MTMR3: variants seen among roughly 807,000 people sequenced by gnomAD.
MTMR3 encodes the protein phosphatidylinositol-3,5-bisphosphate 3-phosphatase MTMR3.
In MTMR3, 32 loss-of-function variants were observed where a neutral mutation model predicts 132.4. That is an observed-to-expected ratio of 0.24 (90% confidence interval 0.18 to 0.32). MTMR3 has a LOEUF of 0.32. MTMR3 is among the 10% of genes least tolerant of loss of function. MTMR3 has a pLI of 1.00. For missense variants in MTMR3, 1,216 were observed against 1,489.6 expected, an observed-to-expected ratio of 0.82 and a Z score of 3.02; for synonymous variants, 556 against 550.3, an observed-to-expected ratio of 1.01 and a Z score of -0.14.
rs539493029 is a variant in MTMR3 at position 29,918,247 on chromosome 22, A to G, written c.-138+34888A>G. Among the ~76,000 whole-genome samples the G allele has an allele frequency of 7.9e-4, 121 of 152,366 alleles. 1 individual carries two copies. Among genetic ancestry groups the G allele is most frequent in the South Asian group, 1.7e-3 (8 of 4,834 alleles). On this transcript the variant is annotated intron_variant, in intron 1 of 19. Transcript: ENST00000401950. ...TTTAGAACTTTCTTTAGAGGTGTAT[A>G]GTGCTTTCTTACACTAATATTCCAG...
At chr22:29,889,136 G>A (rs1351246745) in intron 1 of MTMR3, among the ~76,000 whole-genome samples, 3 of 151,890 alleles carry the variant, frequency 2.0e-5, no homozygotes, top group Non-Finnish European at 1.5e-5. Flanking sequence ...ATATTTAATT[G>A]TTTAGACTGA....
rs180979784 is a variant in MTMR3, at chr22:30,008,906, C to T, written c.1010-112C>T. On this transcript the variant is annotated intron_variant, in intron 11 of 19. Coordinates refer to ENST00000401950, the MANE Select transcript of MTMR3 (RefSeq NM_021090.4). ...TAAGCATTTCAAAACATTTCAGTTT[C>T]GTTAATCAGAAGCTGCAGTGGGTTT... The T allele has an allele frequency of 1.2e-3, 860 of 689,286 alleles. 9 individuals carry two copies. The African/African-American group carries it at 0.014, about 11-fold the overall frequency. The allele number at this position is 689,286 out of a possible 1,614,324, so 42.7% of individuals were successfully genotyped here. A position where few individuals can be genotyped will look rare whatever the true frequency, so the allele number is the denominator to read the frequency against.
intron 1 of MTMR3, among the ~76,000 whole-genome samples, chr22:29,911,625 A>G (rs73162731): frequency 0.16 from 24,247 of 151,124 alleles, 2,041 homozygotes; most frequent in South Asian, 0.24. Flanking sequence ...TTTGACCAGT[A>G]TATTTAATGT....
intron 17 of MTMR3, 36 bp from the exon 18 acceptor site, chr22:30,021,993 G>C (rs376559005): frequency 1.6e-5 from 24 of 1,534,862 alleles, no homozygotes; most frequent in Non-Finnish European, 2.0e-5. Context: ...GAGGAGACCA[G>C]GTTCATTCTG....
At chr22:29,904,075 C>G (rs955836588) in intron 1 of MTMR3, among the ~76,000 whole-genome samples, 4 of 152,130 alleles carry the variant, frequency 2.6e-5, no homozygotes, top group Non-Finnish European at 5.9e-5. Context: ...ATGATGTGGA[C>G]AAGACTTATA....
intron 1 of MTMR3, among the ~76,000 whole-genome samples, chr22:29,907,773 GATGTGT>G (rs1226017803): frequency 6.2e-4 from 95 of 152,254 alleles, no homozygotes; most frequent in African/African-American, 2.2e-3. Flanking sequence ...GGCTTGCTTG[GATGTGT>G]ATCTGTATCT....
intron 1 of MTMR3, among the ~76,000 whole-genome samples, chr22:29,951,637 T>A (rs933787122): frequency 6.6e-6 from 1 of 152,236 alleles, no homozygotes; most frequent in Non-Finnish European, 1.5e-5. Flanking sequence ...TAAGCATTAA[T>A]CACTAATCTA....
intron 1 of MTMR3, among the ~76,000 whole-genome samples, chr22:29,930,911 T>C (rs900128643): frequency 6.9e-6 from 1 of 145,350 alleles, no homozygotes; most frequent in African/African-American, 2.6e-5. Context: ...GGAGGTAGAG[T>C]TGGGTGGATC....
chr22:29,978,552 A>C, intron 4 of MTMR3, 21 bp downstream of exon 4: 1 of 1,579,124 alleles, frequency 6.3e-7, no homozygotes, highest in Non-Finnish European at 8.7e-7. Flanking sequence ...GCCACTTTTA[A>C]ATGTAAAATA....
chr22:29,914,174 G>C lies in MTMR3; in HGVS notation c.-138+30815G>C, dbSNP rs920411705. ...TAGAAATTGCAGGATTGTAGGGTAAGTGTGTTTATAGTTTTTAAAGTAACG... is the reference window on the plus strand; with the variant it reads ...TAGAAATTGCAGGATTGTAGGGTAACTGTGTTTATAGTTTTTAAAGTAACG... On this transcript the variant is annotated intron_variant, in intron 1 of 19. Coordinates refer to ENST00000401950, the MANE Select transcript of MTMR3 (RefSeq NM_021090.4). Among the ~76,000 whole-genome samples the C allele has an allele frequency of 6.6e-5, 10 of 152,350 alleles. 1 individual carries two copies. The highest frequency in any genetic ancestry group is 5.9e-4 in the Admixed American group (9 of 15,302).
intron 1 of MTMR3, among the ~76,000 whole-genome samples, chr22:29,954,059 C>CTTTTTTTTTGTTTT (rs2066136187): frequency 1.3e-5 from 1 of 79,426 alleles, no homozygotes; most frequent in Non-Finnish European, 2.2e-5. Context: ...TCAAATGAGT[C>CTTTTTTTTTGTTTT]TTTTTTTTTT....
intron 12 of MTMR3, chr22:30,010,106 A>G (rs1022446732): frequency 2.3e-4 from 35 of 152,160 alleles, no homozygotes; most frequent in African/African-American, 8.4e-4. Context: ...GGGATTAGCC[A>G]TTTGCATTTG....
rs143188534 is a variant in MTMR3 at position 29,992,521 on chromosome 22, C to G, written c.460+851C>G. ...AGAAATGGCTTTGACCATGTTATTT[C>G]TCTGCATGTAGTTTCTTGTAAACTT... On this transcript the variant is annotated intron_variant, in intron 7 of 19. Coordinates refer to ENST00000401950, the MANE Select transcript of MTMR3 (RefSeq NM_021090.4). 1.5e-3 allele frequency: 225 copies of G among 152,286 alleles called. 1 individual carries two copies. The highest frequency in any genetic ancestry group is 5.2e-3 in the African/African-American group (218 of 41,560). The allele number at this position is 152,286 out of a possible 1,614,324, so 9.4% of individuals were successfully genotyped here. A position where few individuals can be genotyped will look rare whatever the true frequency, so the allele number is the denominator to read the frequency against.
At chr22:29,915,725 A>G (rs2065296096) in intron 1 of MTMR3, among the ~76,000 whole-genome samples, 2 of 152,150 alleles carry the variant, frequency 1.3e-5, no homozygotes, top group Non-Finnish European at 2.9e-5. Flanking sequence ...CGCCCGGCTG[A>G]CAGTCTCCTT....
At chr22:29,891,321 A>ATG (rs1326066349) in intron 1 of MTMR3, among the ~76,000 whole-genome samples, 2 of 150,192 alleles carry the variant, frequency 1.3e-5, no homozygotes, top group African/African-American at 4.9e-5. Context: ...GTGTGTATGT[A>ATG]TGTATGTGTG....
chr22:29,947,051 G>C (rs1357090442), intron 1 of MTMR3, among the ~76,000 whole-genome samples: 3 of 152,106 alleles, frequency 2.0e-5, no homozygotes, highest in Admixed American at 2.0e-4. Flanking sequence ...AAAAGTGTAA[G>C]TTCTTTCCAA....
chr22:30,022,238 C>T, intron 18 of MTMR3, 99 bp downstream of exon 18: 1 of 902,396 alleles, frequency 1.1e-6, no homozygotes, highest in Non-Finnish European at 1.8e-6. Flanking sequence ...AAGGAAGCAC[C>T]TCCCAGCACA....
chr22:29,947,788 C>T (rs989019043), intron 1 of MTMR3, among the ~76,000 whole-genome samples: 4 of 152,160 alleles, frequency 2.6e-5, no homozygotes, highest in South Asian at 2.1e-4. Flanking sequence ...ATGGCAGTCA[C>T]ATGTATTCCT....
intron 2 of MTMR3, among the ~76,000 whole-genome samples, chr22:29,967,917 C>CTGTG (rs57853762): frequency 0.13 from 19,988 of 148,302 alleles, 1,803 homozygotes; most frequent in African/African-American, 0.25. Flanking sequence ...ATTATATATA[C>CTGTG]TGTGTGTGTG....
Sources: gnomAD v4.1 joint callset for allele counts (sites outside exome capture counted in the v4.1 genomes callset) on GRCh38, gnomAD v4.1.1 for gene constraint, MANE v1.5 for transcripts, NCBI Gene and HGNC (gene_info 2026-07-23, HGNC 2026-07-21) for gene names.